ATG10: variants seen among roughly 807,000 people sequenced by gnomAD.
The protein encoded by ATG10 is ubiquitin-like-conjugating enzyme ATG10.
Under a neutral mutation model 32.1 loss-of-function variants are expected in ATG10, and 30 were observed. The ratio of observed to expected loss-of-function variants is 0.94; its 90% CI spans 0.70 to 1.27. The LOEUF (loss-of-function observed/expected upper bound fraction) is 1.27, where lower values mean the gene tolerates loss of function less well. Among genes scored for constraint, ATG10 ranks in the 50% most tolerant of loss-of-function variants. ATG10 has a pLI of 0.00. For missense variants in ATG10, 233 were observed against 262.3 expected, an observed-to-expected ratio of 0.89 and a Z score of 0.77; for synonymous variants, 87 against 91.5, an observed-to-expected ratio of 0.95 and a Z score of 0.28.
intron 2 of ATG10, among the ~76,000 whole-genome samples, chr5:81,991,079 A>G (rs1761438851): frequency 6.6e-6 from 1 of 152,202 alleles, no homozygotes; most frequent in Non-Finnish European, 1.5e-5. Context: ...ATTGAACTGA[A>G]TTAGTGAAAG....
intron 1 of ATG10, among the ~76,000 whole-genome samples, chr5:81,986,110 G>C (rs761290932): frequency 5.9e-5 from 9 of 151,984 alleles, no homozygotes; most frequent in Non-Finnish European, 1.2e-4. Flanking sequence ...GGGTTTCACC[G>C]TGTTAGCCAG....
intron 2 of ATG10, among the ~76,000 whole-genome samples, chr5:82,008,287 A>T (rs1172793853): frequency 1.3e-5 from 2 of 152,204 alleles, no homozygotes; most frequent in African/African-American, 4.8e-5. Flanking sequence ...TGATGAAGCT[A>T]GAGTAGATTT....
chr5:82,137,225 C>T (rs553407259), intron 3 of ATG10, among the ~76,000 whole-genome samples: 2 of 152,246 alleles, frequency 1.3e-5, no homozygotes, highest in South Asian at 4.1e-4. Flanking sequence ...ATTCATCAAA[C>T]TCATTCTCCA....
chr5:82,110,608 A>G (rs2149813904), intron 3 of ATG10, among the ~76,000 whole-genome samples: 1 of 152,032 alleles, frequency 6.6e-6, no homozygotes, highest in African/African-American at 2.4e-5. Flanking sequence ...CTTTTGAGAA[A>G]TGTCTGTTCA....
At chr5:82,154,932 G>C (rs1293138813) in intron 3 of ATG10, among the ~76,000 whole-genome samples, 1 of 152,188 alleles carries the variant, frequency 6.6e-6, no homozygotes, top group Non-Finnish European at 1.5e-5. Flanking sequence ...CTGATTCCTA[G>C]ACATGCTGTT....
chr5:82,132,111 T>C (rs555649345), intron 3 of ATG10, among the ~76,000 whole-genome samples: 4 of 152,186 alleles, frequency 2.6e-5, no homozygotes, highest in Non-Finnish European at 4.4e-5. Context: ...TTAGGGATTA[T>C]ATTTCAATGT....
intron 2 of ATG10, among the ~76,000 whole-genome samples, chr5:82,050,244 C>G (rs1199842102): frequency 1.3e-5 from 2 of 151,916 alleles, no homozygotes; most frequent in Non-Finnish European, 2.9e-5. Flanking sequence ...CTTAATGGAA[C>G]CCCTATTGAT....
intron 3 of ATG10, among the ~76,000 whole-genome samples, chr5:82,131,244 G>A (rs1231914556): frequency 6.6e-6 from 1 of 152,096 alleles, no homozygotes. Context: ...AATGGCCACA[G>A]CAAAACATTA....
chr5:82,145,191 T>C (rs1012159249), intron 3 of ATG10, among the ~76,000 whole-genome samples: 2 of 152,120 alleles, frequency 1.3e-5, no homozygotes, highest in African/African-American at 4.8e-5. Context: ...TTTTTAAAAA[T>C]TCATTCTGAT....
intron 5 of ATG10, among the ~76,000 whole-genome samples, chr5:82,230,614 TC>T (rs1414724057): frequency 6.6e-6 from 1 of 150,852 alleles, no homozygotes; most frequent in Non-Finnish European, 1.5e-5. Flanking sequence ...GCTCCTGTAG[TC>T]CCAGCTACTC....
rs79198513 is a variant in ATG10, at chr5:82,198,381, A to G, written c.453+19794A>G. Among the ~76,000 whole-genome samples, 448 of 152,244 alleles carry G rather than the reference A, an allele frequency of 2.9e-3. 1 individual carries two copies. The highest frequency in any genetic ancestry group is 9.9e-3 in the African/African-American group (411 of 41,562). ...CTAATTCTTGTGCCTCCACCACCCA[A>G]CATGGTAGGTAGTTGGGATTACAGG... On this transcript the variant is annotated intron_variant, in intron 5 of 7. Coordinates refer to ENST00000282185, the MANE Select transcript of ATG10 (RefSeq NM_031482.5).
intron 3 of ATG10, among the ~76,000 whole-genome samples, chr5:82,115,794 C>A (rs1765789184): frequency 1.3e-5 from 2 of 151,970 alleles, no homozygotes; most frequent in African/African-American, 4.8e-5. Context: ...TCTTTTATGG[C>A]AAGTTGGATC....
At chr5:81,973,560 T>C (rs1760788667) in intron 1 of ATG10, among the ~76,000 whole-genome samples, 1 of 152,246 alleles carries the variant, frequency 6.6e-6, no homozygotes, top group African/African-American at 2.4e-5. Context: ...TAAATCTTTG[T>C]CACAGGTTCA....
chr5:82,217,003 C>T (rs1428823524), intron 5 of ATG10, among the ~76,000 whole-genome samples: 2 of 150,876 alleles, frequency 1.3e-5, no homozygotes, highest in East Asian at 1.9e-4. Context: ...TGCAGTGAGC[C>T]GAGATTGCGC....
At chr5:82,113,473 G>A (rs1765680020) in intron 3 of ATG10, among the ~76,000 whole-genome samples, 1 of 151,878 alleles carries the variant, frequency 6.6e-6, no homozygotes, top group South Asian at 2.1e-4. Context: ...AAAATTATCT[G>A]CCATAACTAT....
intron 5 of ATG10, among the ~76,000 whole-genome samples, chr5:82,189,341 G>A (rs925974781): frequency 3.9e-5 from 6 of 152,212 alleles, no homozygotes; most frequent in African/African-American, 1.4e-4. Context: ...GTTACAGAAG[G>A]AAACAGACAA....
chr5:82,070,060 A>G (rs1581657550), intron 3 of ATG10, among the ~76,000 whole-genome samples: 1 of 152,216 alleles, frequency 6.6e-6, no homozygotes, highest in Admixed American at 6.5e-5. Context: ...GAGAAGCTTC[A>G]TGCAGTTCAA....
At chr5:82,167,369 C>T (rs1743623344) in intron 4 of ATG10, among the ~76,000 whole-genome samples, 1 of 152,062 alleles carries the variant, frequency 6.6e-6, no homozygotes, top group Admixed American at 6.5e-5. Flanking sequence ...TGTGTGTATA[C>T]ATGTATAAGA....
At chr5:81,991,573 T>A (rs1030437952) in intron 2 of ATG10, among the ~76,000 whole-genome samples, 11 of 152,184 alleles carry the variant, frequency 7.2e-5, no homozygotes, top group African/African-American at 2.6e-4. Flanking sequence ...GCAGGTTGAT[T>A]ACCTGAGGTC....
Sources: gnomAD v4.1 joint callset for allele counts (sites outside exome capture counted in the v4.1 genomes callset) on GRCh38, gnomAD v4.1.1 for gene constraint, MANE v1.5 for transcripts, NCBI Gene and HGNC (gene_info 2026-07-23, HGNC 2026-07-21) for gene names.